The following MYO16 variants were observed in gnomAD, a reference collection of about 807,000 sequenced individuals.
The protein encoded by MYO16 is myosin XVI.
A neutral mutation model predicts 205.3 loss-of-function variants in MYO16; 94 were observed. The observed-to-expected ratio is 0.46, with a 90% CI of 0.39 to 0.54. The LOEUF is 0.54. MYO16 is among the 20% of genes least tolerant of loss of function. The probability of loss-of-function intolerance (pLI) is 0.00; values close to 1 mark genes in which losing one functional copy is unlikely to be tolerated. For missense variants in MYO16, 2,315 were observed against 2,387.5 expected (o/e 0.97, Z 0.63); for synonymous variants, 988 against 954.0 (o/e 1.04, Z -0.66).
chr13:108,838,512 A>G (rs1260123457), intron 9 of MYO16, among the ~76,000 whole-genome samples: 1 of 151,006 alleles, frequency 6.6e-6, no homozygotes. Flanking sequence ...AAATTAAAAA[A>G]AAAAAAAAAG....
At chr13:108,566,356 A>C in the MYO16 span, among the ~76,000 whole-genome samples, 2 of 152,112 alleles carry the variant, frequency 1.3e-5, no homozygotes, top group African/African-American at 2.4e-5. Context: ...GAATTTCTGC[A>C]GTATCAGTTT....
intron 3 of MYO16, among the ~76,000 whole-genome samples, chr13:108,714,903 G>A (rs989931637): frequency 1.6e-4 from 24 of 151,966 alleles, no homozygotes; most frequent in African/African-American, 3.9e-4. Context: ...GCTGCCAGTC[G>A]GTTTTAAACC....
intron 1 of MYO16, among the ~76,000 whole-genome samples, chr13:108,653,520 C>T (rs1430776043): frequency 6.6e-6 from 1 of 151,872 alleles, no homozygotes; most frequent in African/African-American, 2.4e-5. Context: ...AAGAGTTTTA[C>T]AATTTTAGGT....
At chr13:108,669,194 G>A (rs1375354726) in intron 2 of MYO16, among the ~76,000 whole-genome samples, 2 of 152,096 alleles carry the variant, frequency 1.3e-5, no homozygotes, top group Non-Finnish European at 2.9e-5. Context: ...CACAAGGAAT[G>A]ACCAGGAAGA....
intron 34 of MYO16, among the ~76,000 whole-genome samples, chr13:109,192,111 C>A (rs1049633508): frequency 1.3e-5 from 2 of 152,082 alleles, no homozygotes; most frequent in African/African-American, 4.8e-5. Context: ...CCTAGTAGAC[C>A]TGATTTTTCT....
chr13:108,981,102 C>A (rs1051333681), intron 20 of MYO16, among the ~76,000 whole-genome samples: 1 of 152,028 alleles, frequency 6.6e-6, no homozygotes, highest in African/African-American at 2.4e-5. Flanking sequence ...TCTAAATAAC[C>A]CTTTAAAATA....
At chr13:108,902,798 T>C (rs1183701106) in intron 15 of MYO16, among the ~76,000 whole-genome samples, 3 of 152,242 alleles carry the variant, frequency 2.0e-5, no homozygotes, top group Non-Finnish European at 2.9e-5. Context: ...TTATTGTAAC[T>C]TGAGTACAGT....
intron 9 of MYO16, among the ~76,000 whole-genome samples, chr13:108,835,168 C>T (rs2139050569): frequency 6.6e-6 from 1 of 152,078 alleles, no homozygotes; most frequent in Middle Eastern, 3.4e-3. Context: ...ATTATAGTTC[C>T]CATAATCCCC....
the MYO16 span, among the ~76,000 whole-genome samples, chr13:108,584,235 AG>A: frequency 6.6e-6 from 1 of 152,210 alleles, no homozygotes; most frequent in Non-Finnish European, 1.5e-5. Flanking sequence ...TACAGGCATG[AG>A]GCACCGCACC....
intron 4 of MYO16, among the ~76,000 whole-genome samples, chr13:108,773,883 T>A (rs72668531): frequency 0.18 from 27,431 of 151,996 alleles, 2,735 homozygotes; most frequent in Middle Eastern, 0.22. Flanking sequence ...ACACTTAAAA[T>A]GTGATTATTC....
At chr13:108,607,371 G>C (rs1878998019) in intron 1 of MYO16, among the ~76,000 whole-genome samples, 1 of 152,114 alleles carries the variant, frequency 6.6e-6, no homozygotes, top group Non-Finnish European at 1.5e-5. Flanking sequence ...TTGGGGGAGG[G>C]ACCATGTGGG....
chr13:108,965,671 G>T (rs375706547), intron 20 of MYO16, among the ~76,000 whole-genome samples: 2 of 152,192 alleles, frequency 1.3e-5, no homozygotes, highest in South Asian at 4.1e-4. Context: ...CTCCCAAAGT[G>T]CTGGGATTAC....
At chr13:108,602,232 G>A (rs1401922088) in intron 1 of MYO16, among the ~76,000 whole-genome samples, 2 of 151,954 alleles carry the variant, frequency 1.3e-5, no homozygotes, top group African/African-American at 4.8e-5. Context: ...AAGCCATGTG[G>A]CCTCAGGCAT....
chr13:108,626,493 C>T (rs1348803313), upstream of MYO16, among the ~76,000 whole-genome samples: 1 of 152,162 alleles, frequency 6.6e-6, no homozygotes, highest in African/African-American at 2.4e-5. Flanking sequence ...CTACTGTCAT[C>T]AACTCTGATA....
In MYO16 at chr13:109,174,391, G is replaced by A. The variant is rs936174348; in HGVS notation, c.5324-5151G>A. On this transcript the variant is annotated intron_variant, in intron 33 of 34. Coordinates refer to ENST00000457511, the MANE Select transcript of MYO16 (RefSeq NM_001198950.3). ...GACATGGTGGTTATTTATAGCATCA[G>A]AGGAACAATCATAAAGAGAAATAAG... 3.3e-5 allele frequency among the ~76,000 whole-genome samples: 5 copies of A among 152,138 alleles called. No individual in the cohort carries two copies. The East Asian group carries it at 9.6e-4, about 29-fold the overall frequency.
intron 14 of MYO16, among the ~76,000 whole-genome samples, chr13:108,892,092 T>G (rs1462105504): frequency 6.6e-6 from 1 of 152,218 alleles, no homozygotes; most frequent in Non-Finnish European, 1.5e-5. Flanking sequence ...ATCCCCAAGC[T>G]TATGTCTGAT....
intron 21 of MYO16, among the ~76,000 whole-genome samples, chr13:108,998,642 T>C (rs1253657981): frequency 6.6e-6 from 1 of 152,202 alleles, no homozygotes; most frequent in African/African-American, 2.4e-5. Flanking sequence ...GAACAGGGCA[T>C]ACGGAGACAG....
chr13:108,883,705 A>G (rs1025029894), intron 13 of MYO16, among the ~76,000 whole-genome samples: 1 of 150,894 alleles, frequency 6.6e-6, no homozygotes, highest in African/African-American at 2.4e-5. Context: ...CATGATCACC[A>G]GTCACTGCAG....
intron 4 of MYO16, among the ~76,000 whole-genome samples, chr13:108,733,997 ATTC>A (rs1204083019): frequency 6.6e-6 from 1 of 152,164 alleles, no homozygotes; most frequent in African/African-American, 2.4e-5. Flanking sequence ...AACACAGTAG[ATTC>A]TTCTTATTTA....
Sources: allele counts gnomAD v4.1 joint callset (sites outside exome capture counted in the v4.1 genomes callset), GRCh38; gene constraint gnomAD v4.1.1; transcripts MANE v1.5; gene names NCBI Gene and HGNC (gene_info 2026-07-23, HGNC 2026-07-21).